EYS: variants seen among roughly 807,000 people sequenced by gnomAD.
EYS encodes the protein EGF-like photoreceptor maintenance factor, also known as protein eyes shut homolog.
A neutral mutation model predicts 282.1 loss-of-function variants in EYS; 250 were observed. The observed-to-expected ratio is 0.89, with a 90% confidence interval of 0.80 to 0.98. The LOEUF is 0.98. EYS is among the 50% of genes least tolerant of loss of function. EYS has a pLI of 0.00. For missense variants in EYS, 4,016 were observed against 3,709.0 expected, an observed-to-expected ratio of 1.08 and a Z score of -2.15; for synonymous variants, 1,355 against 1,282.9, an observed-to-expected ratio of 1.06 and a Z score of -1.20.
At chr6:64,346,473 G>A (rs1051100590) in intron 29 of EYS, among the ~76,000 whole-genome samples, 2 of 151,416 alleles carry the variant, frequency 1.3e-5, no homozygotes, top group African/African-American at 2.4e-5. Context: ...AACACCACAT[G>A]TTCTCACTCT....
At chr6:64,396,454 T>G (rs2150433018) in intron 28 of EYS, among the ~76,000 whole-genome samples, 1 of 152,156 alleles carries the variant, frequency 6.6e-6, no homozygotes. Flanking sequence ...TAATCAGAAG[T>G]TTTTCATCTT....
intron 29 of EYS, among the ~76,000 whole-genome samples, chr6:64,346,003 T>C (rs998286950): frequency 2.0e-5 from 3 of 152,158 alleles, no homozygotes; most frequent in East Asian, 1.9e-4. Flanking sequence ...CATGATGAGA[T>C]ACCATCTCAC....
chr6:63,793,603 C>G (rs559355888), intron 37 of EYS, among the ~76,000 whole-genome samples: 1 of 152,248 alleles, frequency 6.6e-6, no homozygotes, highest in South Asian at 2.1e-4. Flanking sequence ...TGGTGACTTT[C>G]TAAGTTAAGC....
chr6:63,740,398 C>T (rs189544186), intron 41 of EYS, among the ~76,000 whole-genome samples: 2 of 152,316 alleles, frequency 1.3e-5, no homozygotes, highest in Admixed American at 6.5e-5. Context: ...GATTGTGAGG[C>T]CTCTCCAGCC....
At chr6:64,313,836 C>A (rs185114473) in intron 29 of EYS, among the ~76,000 whole-genome samples, 1 of 152,132 alleles carries the variant, frequency 6.6e-6, no homozygotes, top group African/African-American at 2.4e-5. Flanking sequence ...TTGTCACCAC[C>A]AAGCTTGCCA....
intron 5 of EYS, among the ~76,000 whole-genome samples, chr6:65,422,181 C>G (rs761050472): frequency 7.9e-5 from 12 of 151,872 alleles, no homozygotes; most frequent in Non-Finnish European, 1.3e-4. Context: ...TTTGAAATAA[C>G]TAAATTTCAA....
At chr6:63,827,760 C>T (rs1028312357) in intron 36 of EYS, among the ~76,000 whole-genome samples, 7 of 148,200 alleles carry the variant, frequency 4.7e-5, no homozygotes, top group Non-Finnish European at 4.5e-5. Context: ...AGGAGAATGG[C>T]GTGAACCCGG....
intron 22 of EYS, among the ~76,000 whole-genome samples, chr6:64,704,507 A>AT (rs1171534160): frequency 0.26 from 8,472 of 32,674 alleles, 456 homozygotes; most frequent in Non-Finnish European, 0.39. Context: ...AATACTTATA[A>AT]TAATATTATA....
chr6:64,291,256 A>G (rs1768697820), intron 30 of EYS, among the ~76,000 whole-genome samples: 1 of 152,066 alleles, frequency 6.6e-6, no homozygotes, highest in Non-Finnish European at 1.5e-5. Context: ...AGCTGTCATT[A>G]ATCATGAACA....
intron 14 of EYS, among the ~76,000 whole-genome samples, chr6:64,968,346 A>G (rs1253212168): frequency 2.0e-5 from 3 of 152,156 alleles, no homozygotes; most frequent in Non-Finnish European, 4.4e-5. Flanking sequence ...TGGCAATTTT[A>G]TATTTTCAAA....
At chr6:64,832,849 T>C (rs1765266332) in intron 19 of EYS, among the ~76,000 whole-genome samples, 1 of 151,944 alleles carries the variant, frequency 6.6e-6, no homozygotes, top group African/African-American at 2.4e-5. Flanking sequence ...AGGGCTAATG[T>C]GAGTATTAAA....
intron 12 of EYS, among the ~76,000 whole-genome samples, chr6:65,256,157 T>C (rs1424103429): frequency 4.6e-5 from 7 of 151,852 alleles, no homozygotes; most frequent in South Asian, 2.1e-4. Context: ...ACTGAAGTAC[T>C]ATTCAGTCAT....
At chr6:64,047,444 A>T (rs1356599102) in intron 33 of EYS, among the ~76,000 whole-genome samples, 1 of 152,174 alleles carries the variant, frequency 6.6e-6, no homozygotes, top group Non-Finnish European at 1.5e-5. Context: ...TTTCAAGTGG[A>T]TGCTTTTAGA....
In EYS at chr6:64,756,577, C is replaced by G. The variant is rs972962841; in HGVS notation, c.3443+56801G>C. ...CATCTATAAGTTTTAAATAACCTTT[C>G]ATGTTTTAAAGGACAAGGACAATTA... On this transcript the variant is annotated intron_variant, in intron 22 of 42. Transcript: ENST00000503581. 2.0e-5 allele frequency among the ~76,000 whole-genome samples: 3 copies of G among 152,104 alleles called. No individual in the cohort carries two copies. The South Asian group carries it at 6.2e-4, about 31-fold the overall frequency.
intron 2 of EYS, among the ~76,000 whole-genome samples, chr6:65,601,464 G>A (rs1008868161): frequency 6.6e-6 from 1 of 151,560 alleles, no homozygotes; most frequent in African/African-American, 2.4e-5. Context: ...ACCAATAAGA[G>A]AACAGTTTAT....
At chr6:64,915,319 CTTCTGG>C (rs1427393339) in intron 15 of EYS, among the ~76,000 whole-genome samples, 6 of 152,098 alleles carry the variant, frequency 3.9e-5, no homozygotes, top group Non-Finnish European at 8.8e-5. Context: ...CACCATTAAA[CTTCTGG>C]TTCCTGAATG....
chr6:64,545,137 C>T (rs960361932), intron 26 of EYS, among the ~76,000 whole-genome samples: 1 of 152,136 alleles, frequency 6.6e-6, no homozygotes, highest in South Asian at 2.1e-4. Context: ...TACTGGTAAA[C>T]CAAATCCAGC....
At chr6:65,306,205 C>T (rs192280731) in intron 11 of EYS, among the ~76,000 whole-genome samples, 3 of 152,326 alleles carry the variant, frequency 2.0e-5, no homozygotes, top group Non-Finnish European at 4.4e-5. Context: ...TGACCCCCAC[C>T]TGTCATGTTG....
At chr6:64,444,903 C>T (rs1011573219) in intron 26 of EYS, among the ~76,000 whole-genome samples, 2 of 152,152 alleles carry the variant, frequency 1.3e-5, no homozygotes, top group African/African-American at 4.8e-5. Context: ...ACCCTGCCTC[C>T]CACTTCACCT....
Sources: allele counts gnomAD v4.1 joint callset (sites outside exome capture counted in the v4.1 genomes callset), GRCh38; gene constraint gnomAD v4.1.1; transcripts MANE v1.5; gene names NCBI Gene and HGNC (gene_info 2026-07-23, HGNC 2026-07-21).